The following PRDM10 variants were observed in gnomAD, a reference collection of about 807,000 sequenced individuals.
PRDM10 encodes the protein PR/SET domain 10.
A neutral mutation model predicts 133.1 loss-of-function variants in PRDM10; 65 were observed. The ratio of observed to expected loss-of-function variants is 0.49; its 90% confidence interval spans 0.40 to 0.60. PRDM10 has a LOEUF of 0.60. Ranked by LOEUF, PRDM10 falls within the 20% of genes least tolerant of loss-of-function variation. The probability of loss-of-function intolerance (pLI) is 0.00; values close to 1 mark genes in which losing one functional copy is unlikely to be tolerated. For missense variants in PRDM10, 1,137 were observed against 1,507.1 expected, an observed-to-expected ratio of 0.75 and a Z score of 4.07; for synonymous variants, 582 against 580.4, an observed-to-expected ratio of 1.00 and a Z score of -0.04.
In PRDM10 at chr11:129,935,194, C is replaced by T; in HGVS notation, c.1064G>A (p.Trp355Ter). The T allele has an allele frequency of 6.2e-7, 1 of 1,613,844 alleles. No individual in the cohort carries two copies. The highest frequency in any genetic ancestry group is 8.5e-7 in the Non-Finnish European group (1 of 1,179,792). The change falls in exon 9 of 21, where the codon TGG (tryptophan) becomes TAG (stop). Residue 355 changes from tryptophan to a stop codon, truncating the protein, a stop_gained. Transcript: ENST00000360871. LOFTEE classifies it high-confidence loss of function. ...RKVLREQEKN[W>*]PCYECNRRFI... is the part of the protein sequence containing the mutation. ...TCGGCGGTTACATTCATAGCAGGGC[C>T]AATTCTTCTCTTGCTCTCGAAGAAC...
intron 3 of PRDM10, among the ~76,000 whole-genome samples, chr11:129,956,613 C>T (rs1379997937): frequency 1.3e-5 from 2 of 152,140 alleles, no homozygotes; most frequent in Non-Finnish European, 2.9e-5. Context: ...CAAATTCAGA[C>T]ATTTAGTAAC....
chr11:129,912,910 A>G (rs1350974548), intron 17 of PRDM10, among the ~76,000 whole-genome samples: 1 of 151,624 alleles, frequency 6.6e-6, no homozygotes, highest in Non-Finnish European at 1.5e-5. Flanking sequence ...AAATACAAAA[A>G]TTAGCTGGGT....
At chr11:129,948,845 T>C (rs1333499774) in intron 4 of PRDM10, among the ~76,000 whole-genome samples, 1 of 152,236 alleles carries the variant, frequency 6.6e-6, no homozygotes, top group Non-Finnish European at 1.5e-5. Context: ...AGTGTTTACG[T>C]TGGCCACGTT....
intron 17 of PRDM10, chr11:129,914,465 C>T: frequency 1.7e-6 from 1 of 598,456 alleles, no homozygotes; most frequent in Non-Finnish European, 3.0e-6. Context: ...TGCCACAGCA[C>T]AGGAGGCTTG....
At chr11:129,999,663 G>C (rs1164261953) in intron 1 of PRDM10, among the ~76,000 whole-genome samples, 1 of 152,172 alleles carries the variant, frequency 6.6e-6, no homozygotes, top group Non-Finnish European at 1.5e-5. Flanking sequence ...TGCTTAAAAT[G>C]AAAAATTGAG....
At chr11:129,903,300 AAAT>A (rs55765531) in intron 20 of PRDM10, among the ~76,000 whole-genome samples, 36,203 of 137,742 alleles carry the variant, frequency 0.26, 4,829 homozygotes, top group South Asian at 0.34. Flanking sequence ...CTCCGTCTCA[AAAT>A]AATAATAATA....
chr11:129,931,061 C>T lies in PRDM10; in HGVS notation c.1485G>A (p.Gln495=), dbSNP rs1950839336. 6.2e-7 allele frequency: 1 copy of T among 1,614,040 alleles called. No individual in the cohort carries two copies. Among genetic ancestry groups the T allele is most frequent in the Non-Finnish European group, 8.5e-7 (1 of 1,180,016 alleles). The change falls in exon 11 of 21, where the codon CAG becomes CAA. Residue 495 remains glutamine (Q), a synonymous_variant. Coordinates refer to ENST00000360871, the MANE Select transcript of PRDM10 (RefSeq NM_199437.2). Reference sequence around the variant, plus strand: ...GCATGTCGTCGGCTGTCAGCGTGCTCTGGGTGGGCACCACGCTCTCTTCAT... The same window carrying T: ...GCATGTCGTCGGCTGTCAGCGTGCTTTGGGTGGGCACCACGCTCTCTTCAT... ...PQHEESVVPT[Q]STLTADDMRR... is the part of the protein sequence containing the mutation.
At chr11:129,917,361 A>G in intron 14 of PRDM10, 124 bp from the exon 15 acceptor site, 1 of 703,370 alleles carries the variant, frequency 1.4e-6, no homozygotes, top group Non-Finnish European at 2.3e-6. Flanking sequence ...CCCAAATAAT[A>G]AGGCATTTGG....
chr11:129,972,632 A>G (rs894051396), intron 1 of PRDM10, among the ~76,000 whole-genome samples: 2 of 152,000 alleles, frequency 1.3e-5, no homozygotes, highest in Admixed American at 1.3e-4. Flanking sequence ...GACTTCTAAC[A>G]CTCTTACCCC....
intron 7 of PRDM10, among the ~76,000 whole-genome samples, chr11:129,939,136 T>C (rs1265471144): frequency 1.3e-5 from 2 of 152,212 alleles, no homozygotes; most frequent in Admixed American, 1.3e-4. Flanking sequence ...GTTTCCTTCA[T>C]GGAACTTACC....
intron 20 of PRDM10, among the ~76,000 whole-genome samples, chr11:129,903,813 C>T (rs1400386815): frequency 2.6e-5 from 4 of 152,050 alleles, no homozygotes; most frequent in Non-Finnish European, 5.9e-5. Context: ...GTTTCTCAAC[C>T]TAGGGTCCAT....
intron 1 of PRDM10, among the ~76,000 whole-genome samples, chr11:129,994,738 G>A (rs527672079): frequency 3.0e-4 from 46 of 151,914 alleles, no homozygotes; most frequent in African/African-American, 1.1e-3. Context: ...TGCAATCTCC[G>A]CCTCCTGGGT....
At chr11:129,986,350 G>A (rs1938439405) in intron 1 of PRDM10, among the ~76,000 whole-genome samples, 1 of 152,128 alleles carries the variant, frequency 6.6e-6, no homozygotes, top group African/African-American at 2.4e-5. Context: ...GACCAGACTT[G>A]CTCCTCCCCA....
intron 11 of PRDM10, among the ~76,000 whole-genome samples, chr11:129,927,349 T>C (rs963104722): frequency 6.6e-6 from 1 of 152,174 alleles, no homozygotes; most frequent in Non-Finnish European, 1.5e-5. Context: ...CTTTCAAAAC[T>C]TTACGGAAAT....
chr11:129,998,420 TCTC>T (rs1405272991), intron 1 of PRDM10, among the ~76,000 whole-genome samples: 2 of 152,168 alleles, frequency 1.3e-5, no homozygotes, highest in East Asian at 3.9e-4. Context: ...ACTCCAATAT[TCTC>T]CTGTTTGCAA....
In PRDM10 at chr11:129,961,043, G is replaced by T; in HGVS notation, c.-79C>A. On this transcript the variant is annotated 5_prime_UTR_variant, in exon 2 of 21. Transcript: ENST00000360871. ...CAGGACAGTCATCTGTCTACCACAC[G>T]TGTGTTCATGAAGGACGGAAAGGTC... The T allele has an allele frequency of 7.4e-7, 1 of 1,351,384 alleles. No individual in the cohort carries two copies. The highest frequency in any genetic ancestry group is 1.1e-6 in the Non-Finnish European group (1 of 952,228). 83.7% of individuals were successfully genotyped at this position (1,351,384 alleles called of 1,614,324 possible).
intron 19 of PRDM10, among the ~76,000 whole-genome samples, chr11:129,909,011 T>C (rs1182417286): frequency 2.6e-5 from 4 of 151,692 alleles, no homozygotes; most frequent in African/African-American, 9.7e-5. Context: ...ATTGCAGGCA[T>C]GAGCCACCAC....
intron 1 of PRDM10, among the ~76,000 whole-genome samples, chr11:129,975,654 C>T (rs1036361234): frequency 2.6e-5 from 4 of 152,122 alleles, no homozygotes; most frequent in African/African-American, 7.2e-5. Context: ...TCAAGGCAAA[C>T]CCTGCCTCCC....
At chr11:130,002,051 G>A (rs952132955) in intron 1 of PRDM10, among the ~76,000 whole-genome samples, 1 of 151,518 alleles carries the variant, frequency 6.6e-6, no homozygotes, top group Non-Finnish European at 1.5e-5. Context: ...CGCAGACAAA[G>A]CTGGGCGCCC....
Sources: gnomAD v4.1 joint callset for allele counts (sites outside exome capture counted in the v4.1 genomes callset) on GRCh38, gnomAD v4.1.1 for gene constraint, MANE v1.5 for transcripts, NCBI Gene and HGNC (gene_info 2026-07-23, HGNC 2026-07-21) for gene names.